MACROD2: variants seen among roughly 807,000 people sequenced by gnomAD.
The protein encoded by MACROD2 is mono-ADP ribosylhydrolase 2, also known as ADP-ribose glycohydrolase MACROD2.
In MACROD2, 36 loss-of-function variants were observed where a neutral mutation model predicts 70.4. The observed-to-expected ratio is 0.51, with a 90% CI of 0.39 to 0.68. MACROD2 has a LOEUF of 0.68. MACROD2 is among the 30% of genes least tolerant of loss of function. The pLI is 0.00. For missense variants in MACROD2, 496 were observed against 538.4 expected (o/e 0.92, Z 0.78); for synonymous variants, 172 against 178.8 (o/e 0.96, Z 0.30).
intron 8 of MACROD2, among the ~76,000 whole-genome samples, chr20:15,669,995 T>C (rs1568964522): frequency 1.3e-5 from 2 of 152,214 alleles, no homozygotes; most frequent in African/African-American, 4.8e-5. Flanking sequence ...GTACTTTTAT[T>C]ACCCTCATTT....
intron 3 of MACROD2, among the ~76,000 whole-genome samples, chr20:14,264,727 G>C (rs1045623358): frequency 6.6e-6 from 1 of 152,134 alleles, no homozygotes; most frequent in Admixed American, 6.6e-5. Context: ...CTTATGAGAA[G>C]GCCAGGATCT....
At chr20:15,024,123 T>C (rs1308315772) in intron 5 of MACROD2, among the ~76,000 whole-genome samples, 1 of 152,156 alleles carries the variant, frequency 6.6e-6, no homozygotes, top group Non-Finnish European at 1.5e-5. Context: ...TTAATTAGAT[T>C]TATCTCTCCC....
At chr20:15,763,631 G>A (rs563267673) in intron 8 of MACROD2, among the ~76,000 whole-genome samples, 2 of 152,194 alleles carry the variant, frequency 1.3e-5, no homozygotes, top group East Asian at 1.9e-4. Context: ...TAGAAGAAGT[G>A]GAGAACTGGC....
At chr20:14,515,469 A>ACGCG (rs1555798354) in intron 4 of MACROD2, among the ~76,000 whole-genome samples, 117 of 143,716 alleles carry the variant, frequency 8.1e-4, no homozygotes, top group African/African-American at 2.7e-3. Flanking sequence ...ACACACGCAC[A>ACGCG]CACACACACA....
At chr20:14,919,710 T>A (rs1164712353) in intron 5 of MACROD2, among the ~76,000 whole-genome samples, 1 of 152,192 alleles carries the variant, frequency 6.6e-6, no homozygotes, top group Non-Finnish European at 1.5e-5. Flanking sequence ...AGACTCTTTG[T>A]CAGTCTTCCA....
In MACROD2 at chr20:14,141,705, A is replaced by G. The variant is rs562300028; in HGVS notation, c.271+55977A>G. ...GGTTGCAGGGAGCCGAGACTGAGCC[A>G]TTGCACTCCAGCCTGGGCAACAATA... On this transcript the variant is annotated intron_variant, in intron 3 of 17. Coordinates refer to ENST00000684519, the MANE Select transcript of MACROD2 (RefSeq NM_001351661.2). Among the ~76,000 whole-genome samples, 8 of 131,548 alleles carry G rather than the reference A, an allele frequency of 6.1e-5. No individual in the cohort carries two copies. The South Asian group carries it at 1.8e-3, about 30-fold the overall frequency. The allele number at this position is 131,548 out of a possible 152,430, so 86.3% of individuals were successfully genotyped here. A position where few individuals can be genotyped will look rare whatever the true frequency, so the allele number is the denominator to read the frequency against.
intron 5 of MACROD2, among the ~76,000 whole-genome samples, chr20:14,885,983 C>T (rs1001255625): frequency 4.6e-5 from 7 of 152,218 alleles, no homozygotes; most frequent in South Asian, 2.1e-4. Flanking sequence ...AGCCTTTTGT[C>T]ATGGGATTTA....
intron 3 of MACROD2, among the ~76,000 whole-genome samples, chr20:14,439,415 T>C (rs925386948): frequency 6.6e-6 from 1 of 152,184 alleles, no homozygotes; most frequent in East Asian, 1.9e-4. Context: ...TCCTATTAAG[T>C]TTTCATTTTC....
At chr20:15,370,230 G>C (rs1435889680) in intron 6 of MACROD2, among the ~76,000 whole-genome samples, 14 of 152,060 alleles carry the variant, frequency 9.2e-5, no homozygotes, top group Non-Finnish European at 1.6e-4. Context: ...TCCTTCACTA[G>C]TGAGTTCTTA....
chr20:14,794,916 T>TA (rs1408105519), intron 5 of MACROD2, among the ~76,000 whole-genome samples: 2 of 152,180 alleles, frequency 1.3e-5, no homozygotes, highest in African/African-American at 4.8e-5. Flanking sequence ...TTTGTATAAG[T>TA]AGCCATGAAA....
At chr20:14,512,104 G>A (rs893506491) in intron 4 of MACROD2, among the ~76,000 whole-genome samples, 2 of 152,094 alleles carry the variant, frequency 1.3e-5, no homozygotes, top group Admixed American at 6.6e-5. Context: ...AAGTGCATAG[G>A]CAGATGCAAA....
chr20:14,886,937 G>A (rs2073684459), intron 5 of MACROD2, among the ~76,000 whole-genome samples: 1 of 152,104 alleles, frequency 6.6e-6, no homozygotes, highest in Non-Finnish European at 1.5e-5. Context: ...GTCTCTAGTG[G>A]GGAATTTTAG....
At chr20:14,533,744 A>T (rs965529457) in intron 4 of MACROD2, among the ~76,000 whole-genome samples, 3 of 152,162 alleles carry the variant, frequency 2.0e-5, no homozygotes, top group African/African-American at 7.2e-5. Context: ...TACAATCATC[A>T]CTTTCTTTGC....
chr20:14,021,903 G>A (rs896806717), intron 2 of MACROD2, among the ~76,000 whole-genome samples: 1 of 152,066 alleles, frequency 6.6e-6, no homozygotes, highest in African/African-American at 2.4e-5. Flanking sequence ...ATGTTGCCCT[G>A]GAGAACCTTA....
chr20:15,032,301 A>T (rs1206416645), intron 5 of MACROD2, among the ~76,000 whole-genome samples: 2 of 152,150 alleles, frequency 1.3e-5, no homozygotes, highest in Non-Finnish European at 2.9e-5. Context: ...CTTGGTAGGG[A>T]GTGGGCCTCT....
intron 6 of MACROD2, among the ~76,000 whole-genome samples, chr20:15,426,724 C>T (rs144886133): frequency 4.6e-5 from 7 of 152,060 alleles, no homozygotes; most frequent in African/African-American, 1.7e-4. Flanking sequence ...AATCTGGAGG[C>T]TCACAAATTT....
chr20:15,342,268 T>C (rs2146208763), intron 6 of MACROD2, among the ~76,000 whole-genome samples: 1 of 152,324 alleles, frequency 6.6e-6, no homozygotes. Flanking sequence ...GTATAACTAC[T>C]GACAAATGGC....
At chr20:16,027,713 G>T (rs1481194616) in intron 15 of MACROD2, among the ~76,000 whole-genome samples, 2 of 152,146 alleles carry the variant, frequency 1.3e-5, no homozygotes, top group East Asian at 1.9e-4. Context: ...TCTGGAAAAA[G>T]TACATATCTC....
intron 3 of MACROD2, among the ~76,000 whole-genome samples, chr20:14,190,698 A>ATTTT (rs1161419446): frequency 7.1e-5 from 2 of 28,096 alleles, no homozygotes; most frequent in African/African-American, 2.4e-4. Flanking sequence ...ATATATATAT[A>ATTTT]TTTTTTTTTT....
Sources: allele counts gnomAD v4.1 joint callset (sites outside exome capture counted in the v4.1 genomes callset), GRCh38; gene constraint gnomAD v4.1.1; transcripts MANE v1.5; gene names NCBI Gene and HGNC (gene_info 2026-07-23, HGNC 2026-07-21).